The following MOSPD2 variants were observed in gnomAD, a reference collection of about 807,000 sequenced individuals.
MOSPD2 encodes the protein motile sperm domain-containing protein 2.
In MOSPD2, 5 loss-of-function variants were observed where a neutral mutation model predicts 41.7. The ratio of observed to expected loss-of-function variants is 0.12; its 90% CI spans 0.06 to 0.25. The LOEUF (loss-of-function observed/expected upper bound fraction) is 0.25, where lower values mean the gene tolerates loss of function less well. MOSPD2 is among the 10% of genes least tolerant of loss of function. MOSPD2 has a pLI of 1.00. For missense variants in MOSPD2, 282 were observed against 375.2 expected (o/e 0.75, Z 2.05); for synonymous variants, 115 against 126.9 (o/e 0.91, Z 0.63).
chrX:14,905,262 C>T (rs922966158), intron 7 of MOSPD2, among the ~76,000 whole-genome samples: 43 of 111,285 alleles, frequency 3.9e-4, no homozygotes, highest in African/African-American at 1.4e-3. Flanking sequence ...GACAAGGACA[C>T]GGAAAATTAC....
Position 14,900,561 on chromosome X carries a change from A to T in MOSPD2, c.478-14A>T. The T allele has an allele frequency of 2.8e-6, 3 of 1,059,290 alleles. No individual in the cohort carries two copies. Among genetic ancestry groups the T allele is most frequent in the Non-Finnish European group, 3.9e-6 (3 of 778,311 alleles). 87.3% of individuals were successfully genotyped at this position (1,059,290 alleles called of 1,213,427 possible). A position where few individuals can be genotyped will look rare whatever the true frequency, so the allele number is the denominator to read the frequency against. ...CTAATGTGGACAGTCTTAAAGATTT[A>T]ATCTTTATTTTAGGACATGGACTTT... On this transcript the variant is annotated splice_polypyrimidine_tract_variant and intron_variant, in intron 5 of 14. Transcript: ENST00000380492.
intron 2 of MOSPD2, among the ~76,000 whole-genome samples, chrX:14,882,793 G>GT (rs1411592851): frequency 9.5e-6 from 1 of 104,918 alleles, no homozygotes; most frequent in Admixed American, 1.0e-4. Flanking sequence ...GAATGTTCTT[G>GT]TTTTTTTCTT....
chrX:14,899,990 A>G (rs865778879), intron 5 of MOSPD2, among the ~76,000 whole-genome samples: 1 of 111,947 alleles, frequency 8.9e-6, no homozygotes, highest in African/African-American at 3.2e-5. Flanking sequence ...AAACTAAAAA[A>G]CTAATTCTAG....
chrX:14,898,043 A>G (rs943780600), intron 5 of MOSPD2, among the ~76,000 whole-genome samples: 4 of 112,377 alleles, frequency 3.6e-5, no homozygotes, highest in South Asian at 3.6e-4. Context: ...TAAGAACCTT[A>G]AAGTGTTTGT....
rs777360876 is a variant in MOSPD2 at position 14,908,970 on chromosome X, C to A, written c.688C>A (p.His230Asn). 1.7e-6 allele frequency: 2 copies of A among 1,156,626 alleles called. No homozygotes were observed. Among genetic ancestry groups the A allele is most frequent in the South Asian group, 4.1e-5 (2 of 49,298 alleles). ...DYVSVEYLPP[H>N]MGGTDPFKYS... is the part of the protein sequence containing the mutation. ...TGTCAGTGTAGAATACCTGCCTCCCCACATGGGTGGAACTGTAAGTATTTG... is the reference window on the plus strand; with the variant it reads ...TGTCAGTGTAGAATACCTGCCTCCCAACATGGGTGGAACTGTAAGTATTTG... Residue 230 changes from histidine (H) to asparagine (N), a missense_variant, in exon 8 of 15, where the codon CAC becomes AAC. By Grantham distance (68) the His-to-Asn change is moderately conservative. Coordinates refer to ENST00000380492, the MANE Select transcript of MOSPD2 (RefSeq NM_152581.4).
chrX:14,912,396 T>C (rs199994861), intron 10 of MOSPD2, 35 bp downstream of exon 10: 1 of 922,274 alleles, frequency 1.1e-6, no homozygotes, highest in Non-Finnish European at 1.5e-6. Context: ...TATAATTTTA[T>C]AACATATCTT....
rs140638533 is a variant in MOSPD2 at position 14,888,844 on chromosome X, G to A, written c.80-3879G>A. 7.7e-3 allele frequency among the ~76,000 whole-genome samples: 852 copies of A among 110,508 alleles called. 12 individuals carry two copies. Among genetic ancestry groups the A allele is most frequent in the African/African-American group, 0.026 (791 of 30,288 alleles). On this transcript the variant is annotated intron_variant, in intron 2 of 14. Coordinates refer to ENST00000380492, the MANE Select transcript of MOSPD2 (RefSeq NM_152581.4). ...ATAATCTTTTGGGTGTACATCTTTA[G>A]CATCTTTCTGTAACATCTTGTCTTA...
At chrX:14,900,983 GTATT>G (rs1250181208) in intron 6 of MOSPD2, among the ~76,000 whole-genome samples, 7 of 111,531 alleles carry the variant, frequency 6.3e-5, no homozygotes, top group East Asian at 5.6e-4. Context: ...ATTTCAAATA[GTATT>G]TATTATATGA....
chrX:14,899,564 A>G (rs2092569150), intron 5 of MOSPD2, among the ~76,000 whole-genome samples: 1 of 78,643 alleles, frequency 1.3e-5, no homozygotes, highest in Non-Finnish European at 2.4e-5. Context: ...TATTATATAC[A>G]TACACACACA....
At chrX:14,899,318 A>G (rs1039460223) in intron 5 of MOSPD2, among the ~76,000 whole-genome samples, 1 of 108,636 alleles carries the variant, frequency 9.2e-6, no homozygotes, top group Admixed American at 1.0e-4. Context: ...AGGATATTCA[A>G]TTAAATAAAT....
intron 2 of MOSPD2, 145 bp downstream of exon 2, chrX:14,873,903 C>CCT: frequency 1.9e-6 from 1 of 531,947 alleles, no homozygotes; most frequent in South Asian, 2.7e-5. Flanking sequence ...CAAAGGTTTT[C>CCT]CTCTCCATGA....
At chrX:14,896,163 A>G (rs914650622) in intron 4 of MOSPD2, among the ~76,000 whole-genome samples, 2 of 110,270 alleles carry the variant, frequency 1.8e-5, no homozygotes, top group African/African-American at 6.6e-5. Context: ...GTGATCAATC[A>G]CGAGCATCTT....
intron 11 of MOSPD2, 36 bp downstream of exon 11, chrX:14,914,635 G>T: frequency 1.2e-6 from 1 of 810,783 alleles, no homozygotes; most frequent in Non-Finnish European, 1.8e-6. Flanking sequence ...TTATGTTTGA[G>T]AATTTGACAT....
chrX:14,909,706 T>G (rs1328366350), intron 8 of MOSPD2, among the ~76,000 whole-genome samples: 1 of 111,952 alleles, frequency 8.9e-6, no homozygotes, highest in Non-Finnish European at 1.9e-5. Context: ...TTTGATTTTT[T>G]TGCAATCTAT....
chrX:14,892,961 CAT>C, intron 3 of MOSPD2, 83 bp downstream of exon 3: 1 of 705,144 alleles, frequency 1.4e-6, no homozygotes, highest in Non-Finnish European at 2.1e-6. Flanking sequence ...TGTATTTGCA[CAT>C]ATTCCTAGCA....
chrX:14,888,763 G>T (rs1051898545), intron 2 of MOSPD2, among the ~76,000 whole-genome samples: 3 of 95,703 alleles, frequency 3.1e-5, no homozygotes, highest in African/African-American at 4.9e-5. Context: ...TGTCCTAGGG[G>T]TGTGTGTGTG....
At chrX:14,887,580 CA>C (rs1258822767) in intron 2 of MOSPD2, among the ~76,000 whole-genome samples, 3 of 111,776 alleles carry the variant, frequency 2.7e-5, no homozygotes, top group Non-Finnish European at 5.6e-5. Flanking sequence ...CCTTAAAACA[CA>C]GTTTCAGACC....
chrX:14,912,921 T>C (rs182483306), intron 10 of MOSPD2, among the ~76,000 whole-genome samples: 1 of 112,345 alleles, frequency 8.9e-6, no homozygotes, highest in Admixed American at 9.5e-5. Flanking sequence ...CTACACCAAC[T>C]TTATGATCTC....
At chrX:14,877,463 C>T (rs752970712) in intron 2 of MOSPD2, among the ~76,000 whole-genome samples, 48 of 109,756 alleles carry the variant, frequency 4.4e-4, no homozygotes, top group African/African-American at 1.4e-3. Context: ...CTACCTCAGC[C>T]TCCTGAGTAG....
Sources: gnomAD v4.1 joint callset for allele counts (sites outside exome capture counted in the v4.1 genomes callset) on GRCh38, gnomAD v4.1.1 for gene constraint, MANE v1.5 for transcripts, NCBI Gene and HGNC (gene_info 2026-07-23, HGNC 2026-07-21) for gene names.